The following MAMSTR variants were observed in gnomAD, a reference collection of about 807,000 sequenced individuals.
MAMSTR encodes the protein MEF2 activating motif and SAP domain containing transcriptional regulator.
Under a neutral mutation model 42.7 loss-of-function variants are expected in MAMSTR, and 41 were observed. The observed-to-expected ratio is 0.96, with a 90% CI of 0.75 to 1.25. The LOEUF (loss-of-function observed/expected upper bound fraction) is 1.25, where lower values mean the gene tolerates loss of function less well. MAMSTR is among the 50% of genes most tolerant of loss of function. MAMSTR has a pLI of 0.00. For synonymous variants in MAMSTR, 265 were observed against 244.1 expected, an observed-to-expected ratio of 1.09 and a Z score of -0.80; for missense variants, 567 against 557.6, an observed-to-expected ratio of 1.02 and a Z score of -0.17.
chr19:48,717,952 G>C (rs62130349), intron 2 of MAMSTR, among the ~76,000 whole-genome samples: 1 of 151,946 alleles, frequency 6.6e-6, no homozygotes, highest in Non-Finnish European at 1.5e-5. Flanking sequence ...CAATCCGCCC[G>C]CCTTGGCCTC....
chr19:48,718,794 C>G (rs1568471389), intron 2 of MAMSTR, among the ~76,000 whole-genome samples, 180 bp downstream of exon 2: 1 of 152,098 alleles, frequency 6.6e-6, no homozygotes, highest in Non-Finnish European at 1.5e-5. Flanking sequence ...ATGCTACTAG[C>G]CATTTGCACA....
downstream of MAMSTR, among the ~76,000 whole-genome samples, chr19:48,707,999 C>G (rs1012648750): frequency 6.6e-6 from 1 of 151,900 alleles, no homozygotes; most frequent in African/African-American, 2.4e-5. Context: ...CTGTGGGAGG[C>G]CAAGACCAGT....
In MAMSTR at chr19:48,714,547, C is replaced by G. The variant is rs771099786; in HGVS notation, c.542G>C (p.Arg181Pro). The G allele has an allele frequency of 2.2e-5, 32 of 1,459,378 alleles. No individual in the cohort carries two copies. Among genetic ancestry groups the G allele is most frequent in the South Asian group, 5.7e-5 (4 of 69,662 alleles). 90.4% of individuals were successfully genotyped at this position (1,459,378 alleles called of 1,614,324 possible). A position where few individuals can be genotyped will look rare whatever the true frequency, so the allele number is the denominator to read the frequency against. Residue 181 changes from arginine (R) to proline (P), a missense_variant, in exon 7 of 10, where the codon CGG (arginine) becomes CCG (proline). By Grantham distance (103) the Arg-to-Pro change is moderately radical. Transcript: ENST00000318083. ...GAGGCCCCGCAGGCGCAGCTGCTGC[C>G]GGAGCTCTGAGACCTGGGGAGGGGC... The part of the protein sequence containing the change: ...KLEELTVSEL[R>P]QQLRLRGLPV...
downstream of MAMSTR, among the ~76,000 whole-genome samples, chr19:48,709,266 A>C (rs947942164): frequency 6.6e-6 from 1 of 152,140 alleles, no homozygotes; most frequent in Non-Finnish European, 1.5e-5. Context: ...CTCCTGCCTC[A>C]GCCTCCCGAG....
chr19:48,713,895 C>T lies in MAMSTR; in HGVS notation c.874G>A (p.Glu292Lys). 1 of 1,612,212 alleles carries T rather than the reference C, an allele frequency of 6.2e-7. No individual in the cohort carries two copies. Among genetic ancestry groups the T allele is most frequent in the Non-Finnish European group, 8.5e-7 (1 of 1,178,734 alleles). Residue 292 changes from glutamate (E) to lysine (K), a missense_variant, in exon 8 of 10, where the codon GAG becomes AAG. Physicochemically the swap from Glu to Lys is moderately conservative, Grantham distance 56 (BLOSUM62 1). Coordinates refer to ENST00000318083, the MANE Select transcript of MAMSTR (RefSeq NM_001130915.2). ...CGGATCGCTTCCTGCAGCTCCTCCT[C>T]CAGAGTCAGAGCCGCTGAGCCCGGC... The part of the protein sequence containing the change: ...SGPGSAALTL[E>K]EELQEAIRRA...
chr19:48,713,606 C>T (rs915606206), intron 9 of MAMSTR, 56 bp from the exon 10 acceptor site: 4 of 1,597,086 alleles, frequency 2.5e-6, no homozygotes, highest in African/African-American at 1.3e-5. Context: ...GGGCGCCAGC[C>T]CCCCATACCC....
rs746680336 is a variant in MAMSTR, at chr19:48,713,848, A to G, written c.909+12T>C. The G allele has an allele frequency of 3.7e-6, 6 of 1,613,806 alleles. No individual in the cohort carries two copies. In the African/African-American group the frequency reaches 5.3e-5, roughly 14 times the overall value. On this transcript the variant is annotated intron_variant, in intron 8 of 9. Coordinates refer to ENST00000318083, the MANE Select transcript of MAMSTR (RefSeq NM_001130915.2). ...GGAGAACCCTAGCCGGATTCAACCC[A>G]CACCCTCTTACCTGCGCCCTCCGGA...
the MAMSTR span, chr19:48,705,947 T>C: frequency 1.2e-5 from 2 of 163,528 alleles, no homozygotes; most frequent in Non-Finnish European, 2.9e-5. Context: ...ACTTTGCGGA[T>C]GGGAGAAAAG....
chr19:48,710,857 C>T (rs967925416), downstream of MAMSTR, among the ~76,000 whole-genome samples: 1 of 152,054 alleles, frequency 6.6e-6, no homozygotes, highest in African/African-American at 2.4e-5. Context: ...AAAGTGCTGG[C>T]ATTACAGGCA....
At chr19:48,705,800 G>A in the MAMSTR span, 1 of 166,746 alleles carries the variant, frequency 6.0e-6, no homozygotes, top group African/African-American at 2.4e-5. Context: ...GGCTGAGGTG[G>A]GAGGATTGCT....
chr19:48,710,741 C>T (rs577894042), downstream of MAMSTR, among the ~76,000 whole-genome samples: 14 of 151,808 alleles, frequency 9.2e-5, no homozygotes, highest in South Asian at 6.2e-4. Flanking sequence ...GGATTAAAGG[C>T]GCATGCCCAG....
At position 48,719,725 on chromosome 19, in the gene MAMSTR, G is replaced by A. The variant is rs1401543080; in HGVS notation, c.-68C>T. 1 of 152,428 alleles carries A rather than the reference G, an allele frequency of 6.6e-6. No individual in the cohort carries two copies. Among genetic ancestry groups the A allele is most frequent in the African/African-American group, 2.4e-5 (1 of 41,442 alleles). The allele number at this position is 152,428 out of a possible 1,614,324, so 9.4% of individuals were successfully genotyped here. On this transcript the variant is annotated 5_prime_UTR_variant, in exon 1 of 10. Coordinates refer to ENST00000318083, the MANE Select transcript of MAMSTR (RefSeq NM_001130915.2). The surrounding 1 kb of genome is among the most constrained non-coding windows in gnomAD (Gnocchi z 4.4). ...TGCTCTGGGGCGGGTTGAGTCTAGAGGCCGAGGCTGGACACCACAGGCTCC... is the reference window on the plus strand; with the variant it reads ...TGCTCTGGGGCGGGTTGAGTCTAGAAGCCGAGGCTGGACACCACAGGCTCC...
downstream of MAMSTR, among the ~76,000 whole-genome samples, chr19:48,711,116 G>A (rs752451840): frequency 2.6e-4 from 39 of 152,270 alleles, no homozygotes; most frequent in African/African-American, 4.8e-4. Context: ...CGTATTTAAC[G>A]TGGGCTTGCC....
intron 3 of MAMSTR, among the ~76,000 whole-genome samples, 177 bp downstream of exon 3, chr19:48,716,528 T>A (rs2033042513): frequency 1.3e-5 from 2 of 151,888 alleles, no homozygotes; most frequent in Admixed American, 1.3e-4. Context: ...AGGGGTGGGG[T>A]GGCCAGAGAC....
rs968405638 is a variant in MAMSTR, at chr19:48,715,255, G to A, written c.425+7C>T. On this transcript the variant is annotated splice_region_variant and intron_variant, in intron 5 of 9. Coordinates refer to ENST00000318083, the MANE Select transcript of MAMSTR (RefSeq NM_001130915.2). The stretch of plus-strand genomic sequence containing the variant: ...GGGTCCCGGGAGAACAGAAGTGGGT[G>A]TCATACCTAGGATGTGGCTGCTGCG... 1.3e-6 allele frequency: 2 copies of A among 1,577,860 alleles called. No individual in the cohort carries two copies. Among genetic ancestry groups the A allele is most frequent in the Non-Finnish European group, 1.7e-6 (2 of 1,161,550 alleles).
Position 48,715,757 on chromosome 19 carries a change from C to A in MAMSTR, c.108G>T (p.Pro36=). Residue 36 remains proline, a synonymous_variant, in exon 4 of 10, where the codon CCG becomes CCT. Coordinates refer to ENST00000318083, the MANE Select transcript of MAMSTR (RefSeq NM_001130915.2). ...HRRNQEQISD[P]DPWISASDPP... is the part of the protein sequence containing the mutation. ...GGTCTGAGGCTGAGATCCACGGGTCCGGATCCGAGACTGGAGAGACGGTGA... is the reference window on the plus strand; with the variant it reads ...GGTCTGAGGCTGAGATCCACGGGTCAGGATCCGAGACTGGAGAGACGGTGA... 1 of 1,541,574 alleles carries A rather than the reference C, an allele frequency of 6.5e-7. No individual in the cohort carries two copies. The highest frequency in any genetic ancestry group is 1.4e-5 in the African/African-American group (1 of 72,138).
At chr19:48,707,919 A>AG (rs1350319224), downstream of MAMSTR, among the ~76,000 whole-genome samples, 4 of 143,120 alleles carry the variant, frequency 2.8e-5, no homozygotes, top group African/African-American at 1.1e-4. Flanking sequence ...AAAGAAAGAA[A>AG]AAAGAAAGAA....
rs1227922303 is a variant in MAMSTR at position 48,714,457 on chromosome 19, C to A, written c.632G>T (p.Arg211Leu). The change falls in exon 7 of 10, where the codon CGG (arginine) becomes CTG (leucine). Residue 211 changes from arginine (R) to leucine (L), a missense_variant. Physicochemically the swap from Arg to Leu is moderately radical, Grantham distance 102 (BLOSUM62 -2). Coordinates refer to ENST00000318083, the MANE Select transcript of MAMSTR (RefSeq NM_001130915.2). ...RMRGGAPPRE[R>L]PKPRREDSPA... ...ACTGTCCTCGCGCCGCGGCTTCGGC[C>A]GCTCGCGGGGCGGCGCGCCGCCGCG... 1.5e-6 allele frequency: 2 copies of A among 1,359,066 alleles called. No homozygotes were observed. Among genetic ancestry groups the A allele is most frequent in the Non-Finnish European group, 1.9e-6 (2 of 1,067,130 alleles). The allele number at this position is 1,359,066 out of a possible 1,614,324, so 84.2% of individuals were successfully genotyped here.
In MAMSTR at chr19:48,713,128, C is replaced by T. The variant is rs1193260281; in HGVS notation, c.*139G>A. ...AGGCAGTTGCATGTCAGCAGCACTT[C>T]AGGAGGCAGGTGGGGTTGGAGGTTG... On this transcript the variant is annotated 3_prime_UTR_variant, in exon 10 of 10. Transcript: ENST00000318083. 1.3e-6 allele frequency: 1 copy of T among 774,158 alleles called. No homozygotes were observed. The highest frequency in any genetic ancestry group is 3.0e-5 in the East Asian group (1 of 33,668). The allele number at this position is 774,158 out of a possible 1,614,324, so 48.0% of individuals were successfully genotyped here. A position where few individuals can be genotyped will look rare whatever the true frequency, so the allele number is the denominator to read the frequency against.
Sources: allele counts gnomAD v4.1 joint callset (sites outside exome capture counted in the v4.1 genomes callset), GRCh38; gene constraint gnomAD v4.1.1; non-coding constraint Gnocchi (gnomAD v3.1); transcripts MANE v1.5; gene names NCBI Gene and HGNC (gene_info 2026-07-23, HGNC 2026-07-21).